The following TENM3 variants were observed in gnomAD, a reference collection of about 807,000 sequenced individuals.
TENM3 encodes the protein teneurin transmembrane protein 3.
In TENM3, 63 loss-of-function variants were observed where a neutral mutation model predicts 255.1. The observed-to-expected ratio is 0.25, with a 90% CI of 0.20 to 0.30. The LOEUF (loss-of-function observed/expected upper bound fraction) is 0.30, where lower values mean the gene tolerates loss of function less well. TENM3 is among the 10% of genes least tolerant of loss of function. The pLI is 1.00. For missense variants in TENM3, 2,929 were observed against 3,461.1 expected (o/e 0.85, Z 3.86); for synonymous variants, 1,306 against 1,322.3 (o/e 0.99, Z 0.27).
chr4:182,235,111 T>G (rs1756814855), intron 1 of TENM3, among the ~76,000 whole-genome samples: 1 of 152,148 alleles, frequency 6.6e-6, no homozygotes, highest in African/African-American at 2.4e-5. Flanking sequence ...CCCGCCATCT[T>G]TGGACCTCAC....
chr4:181,488,876 G>T, the TENM3 span, among the ~76,000 whole-genome samples: 3,074 of 152,174 alleles, frequency 0.02, 91 homozygotes, highest in African/African-American at 0.067. Flanking sequence ...CCAAAGTAAT[G>T]GTATTTGCCT....
the TENM3 span, among the ~76,000 whole-genome samples, chr4:181,488,287 T>G: frequency 6.6e-6 from 1 of 152,212 alleles, no homozygotes; most frequent in Non-Finnish European, 1.5e-5. Flanking sequence ...GAAGAGATGG[T>G]GATTTTCATT....
At chr4:182,475,179 T>C (rs1366493576) in intron 3 of TENM3, among the ~76,000 whole-genome samples, 2 of 152,210 alleles carry the variant, frequency 1.3e-5, no homozygotes, top group Non-Finnish European at 2.9e-5. Context: ...AGTGGTAGGT[T>C]ACCCCCTGGT....
intron 3 of TENM3, among the ~76,000 whole-genome samples, chr4:182,360,577 G>C (rs1424599876): frequency 2.0e-5 from 3 of 152,068 alleles, no homozygotes; most frequent in Non-Finnish European, 4.4e-5. Context: ...TTGCTTGGTA[G>C]GTCTTCCTCC....
the TENM3 span, among the ~76,000 whole-genome samples, chr4:181,884,325 T>C: frequency 6.6e-6 from 1 of 151,960 alleles, no homozygotes; most frequent in East Asian, 1.9e-4. Context: ...ATGTAAAATT[T>C]ATTATTTTAA....
chr4:182,083,014 C>CA, the TENM3 span, among the ~76,000 whole-genome samples: 1 of 152,218 alleles, frequency 6.6e-6, no homozygotes, highest in African/African-American at 2.4e-5. Flanking sequence ...TTATGGGGAA[C>CA]ATTAGTAGCT....
chr4:182,672,927 T>C, intron 6 of TENM3, 78 bp from the exon 7 acceptor site: 1 of 1,094,706 alleles, frequency 9.1e-7, no homozygotes, highest in South Asian at 1.6e-5. Context: ...AATAACTTTT[T>C]CAAAAAGTTT....
chr4:182,785,801 G>A (rs530994809), intron 24 of TENM3, among the ~76,000 whole-genome samples: 1 of 143,608 alleles, frequency 7.0e-6, no homozygotes, highest in African/African-American at 2.6e-5. Flanking sequence ...GACTTGAAAA[G>A]TTGCCCTGAC....
chr4:181,859,954 T>C, the TENM3 span, among the ~76,000 whole-genome samples: 22 of 152,210 alleles, frequency 1.4e-4, no homozygotes, highest in Non-Finnish European at 2.8e-4. Flanking sequence ...GAATGACATG[T>C]AGTCCCTGAG....
At chr4:182,084,696 G>A in the TENM3 span, among the ~76,000 whole-genome samples, 1 of 152,118 alleles carries the variant, frequency 6.6e-6, no homozygotes, top group Non-Finnish European at 1.5e-5. Context: ...ATTAAAAAAT[G>A]AAGAATGTAC....
intron 3 of TENM3, among the ~76,000 whole-genome samples, chr4:182,590,910 C>T (rs1002289815): frequency 5.9e-5 from 9 of 152,144 alleles, no homozygotes; most frequent in African/African-American, 1.9e-4. Context: ...GGCAGACCTC[C>T]TCAGGAAAGC....
the TENM3 span, among the ~76,000 whole-genome samples, chr4:181,730,950 C>A: frequency 1.3e-5 from 2 of 152,110 alleles, no homozygotes; most frequent in Non-Finnish European, 2.9e-5. Flanking sequence ...GGAAAACGAG[C>A]ATTTCTGAAG....
At chr4:181,530,870 C>T in the TENM3 span, among the ~76,000 whole-genome samples, 2 of 152,060 alleles carry the variant, frequency 1.3e-5, no homozygotes, top group African/African-American at 2.4e-5. Context: ...CTAAGAAGTT[C>T]TAGTTATGAT....
intron 3 of TENM3, among the ~76,000 whole-genome samples, chr4:182,498,043 G>A (rs934423149): frequency 6.6e-6 from 1 of 151,976 alleles, no homozygotes; most frequent in African/African-American, 2.4e-5. Context: ...GTGATTTGGG[G>A]CATCAGTGCA....
At chr4:182,087,367 G>C in the TENM3 span, among the ~76,000 whole-genome samples, 57,732 of 152,034 alleles carry the variant, frequency 0.38, 11,298 homozygotes, top group African/African-American at 0.49. Context: ...TTTGGGAGAA[G>C]ACACAAAACC....
At chr4:181,978,670 G>GAAAA in the TENM3 span, among the ~76,000 whole-genome samples, 4 of 134,940 alleles carry the variant, frequency 3.0e-5, no homozygotes, top group Non-Finnish European at 6.4e-5. Flanking sequence ...GAAAAGAAAA[G>GAAAA]AAAAAAAAAA....
At chr4:181,665,986 T>G in the TENM3 span, among the ~76,000 whole-genome samples, 1 of 152,182 alleles carries the variant, frequency 6.6e-6, no homozygotes, top group Non-Finnish European at 1.5e-5. Context: ...TAGTTCTGTA[T>G]TCAAGCGTTA....
At chr4:181,672,198 T>C in the TENM3 span, among the ~76,000 whole-genome samples, 1 of 152,186 alleles carries the variant, frequency 6.6e-6, no homozygotes, top group Non-Finnish European at 1.5e-5. Flanking sequence ...TCCCATCTTG[T>C]GCAGATCTTT....
the TENM3 span, among the ~76,000 whole-genome samples, chr4:182,002,014 T>C: frequency 2.0e-5 from 3 of 152,142 alleles, no homozygotes; most frequent in Non-Finnish European, 4.4e-5. Context: ...AGGCTTTAAA[T>C]GTCATTAATG....
Sources: allele counts gnomAD v4.1 joint callset (sites outside exome capture counted in the v4.1 genomes callset), GRCh38; gene constraint gnomAD v4.1.1; transcripts MANE v1.5; gene names NCBI Gene and HGNC (gene_info 2026-07-23, HGNC 2026-07-21).